Variants in RPS6KC1 observed in about 807,000 individuals in gnomAD.
RPS6KC1 encodes ribosomal protein S6 kinase C1, also known as inactive ribosomal protein S6 kinase delta-1.
A neutral mutation model predicts 103.8 loss-of-function variants in RPS6KC1; 54 were observed. That is an observed-to-expected ratio of 0.52 (90% CI 0.42 to 0.65). The LOEUF (loss-of-function observed/expected upper bound fraction) is 0.65. RPS6KC1 is among the 30% of genes least tolerant of loss of function. The pLI, the probability that RPS6KC1 is intolerant of heterozygous loss-of-function variation, is 0.00. For missense variants in RPS6KC1, 1,151 were observed against 1,253.8 expected (o/e 0.92, Z 1.24); for synonymous variants, 439 against 438.7 (o/e 1.00, Z -0.01).
chr1:213,360,008 C>G, the RPS6KC1 span, among the ~76,000 whole-genome samples: 14 of 152,170 alleles, frequency 9.2e-5, no homozygotes, highest in Non-Finnish European at 2.1e-4. Context: ...TTCATTTCAA[C>G]TTTGGTGAAT....
the RPS6KC1 span, among the ~76,000 whole-genome samples, chr1:213,535,972 T>C: frequency 1.1e-4 from 16 of 152,202 alleles, no homozygotes; most frequent in East Asian, 2.1e-3. Context: ...AAAGCTGAGG[T>C]TCTTTTGGCC....
At chr1:213,338,246 T>C in the RPS6KC1 span, among the ~76,000 whole-genome samples, 2 of 152,148 alleles carry the variant, frequency 1.3e-5, no homozygotes, top group Non-Finnish European at 2.9e-5. Flanking sequence ...TGAACTTCAC[T>C]CCCCCTTATG....
At chr1:213,672,804 A>G in the RPS6KC1 span, among the ~76,000 whole-genome samples, 1 of 152,156 alleles carries the variant, frequency 6.6e-6, no homozygotes, top group Non-Finnish European at 1.5e-5. Flanking sequence ...ACCATTCAGC[A>G]TATCCAATAC....
At chr1:213,183,129 A>G (rs1050066732) in intron 8 of RPS6KC1, among the ~76,000 whole-genome samples, 8 of 152,078 alleles carry the variant, frequency 5.3e-5, no homozygotes, top group Admixed American at 6.6e-5. Context: ...AGAAATAGCA[A>G]TCCTACAAAT....
At position 213,262,776 on chromosome 1, in the gene RPS6KC1, C is replaced by T; in HGVS notation, c.3050C>T (p.Pro1017Leu). ...GINTHTTLNM[P>L]ECVSEEARSL... ...AATACTCACACTACTTTGAACATGC[C>T]AGAATGTGTCTCTGAAGAGGCTCGC... is the stretch of plus-strand genomic sequence containing the variant. Residue 1017 changes from proline to leucine, a missense_variant, in exon 14 of 15, where the codon CCA becomes CTA. Physicochemically the swap from Pro to Leu is moderately conservative, Grantham distance 98 (BLOSUM62 -3). Coordinates refer to ENST00000366960, the MANE Select transcript of RPS6KC1 (RefSeq NM_012424.6). 1 of 1,613,134 alleles carries T rather than the reference C, an allele frequency of 6.2e-7. No homozygotes were observed. Among genetic ancestry groups the T allele is most frequent in the Non-Finnish European group, 8.5e-7 (1 of 1,179,142 alleles).
chr1:213,337,845 AAAG>A, the RPS6KC1 span, among the ~76,000 whole-genome samples: 4 of 152,166 alleles, frequency 2.6e-5, no homozygotes, highest in African/African-American at 9.7e-5. Flanking sequence ...GCTGTAGGGG[AAAG>A]AAGGAGAGAT....
chr1:213,545,273 A>C, the RPS6KC1 span, among the ~76,000 whole-genome samples: 1 of 151,944 alleles, frequency 6.6e-6, no homozygotes, highest in African/African-American at 2.4e-5. Context: ...CAGGAGGCTG[A>C]GGCAGGAGAA....
chr1:213,305,452 A>G, the RPS6KC1 span, among the ~76,000 whole-genome samples: 12 of 152,158 alleles, frequency 7.9e-5, no homozygotes, highest in African/African-American at 2.9e-4. Flanking sequence ...TATTTGCCCA[A>G]CTGGTATGTG....
the RPS6KC1 span, among the ~76,000 whole-genome samples, chr1:213,422,597 G>A: frequency 6.6e-6 from 1 of 152,200 alleles, no homozygotes; most frequent in East Asian, 1.9e-4. Context: ...CTTATTAAGT[G>A]TTTGTTGAAT....
chr1:213,562,380 T>G, the RPS6KC1 span, among the ~76,000 whole-genome samples: 2 of 81,120 alleles, frequency 2.5e-5, no homozygotes, highest in South Asian at 5.2e-4. Context: ...TTTTTTTTTT[T>G]TTTTTTTTTT....
the RPS6KC1 span, among the ~76,000 whole-genome samples, chr1:213,825,087 G>A: frequency 6.6e-6 from 1 of 152,126 alleles, no homozygotes; most frequent in Non-Finnish European, 1.5e-5. Context: ...AAGATAAATG[G>A]AACCAATTCC....
chr1:213,358,060 A>G, the RPS6KC1 span, among the ~76,000 whole-genome samples: 4 of 152,206 alleles, frequency 2.6e-5, no homozygotes, highest in Admixed American at 2.0e-4. Context: ...GGATTTTTGC[A>G]TCGATGTTCA....
At chr1:213,217,961 A>G (rs533318941) in intron 8 of RPS6KC1, among the ~76,000 whole-genome samples, 4 of 152,208 alleles carry the variant, frequency 2.6e-5, no homozygotes, top group Non-Finnish European at 4.4e-5. Flanking sequence ...GAAAACTGGC[A>G]CAAGACAGGG....
At chr1:213,260,032 C>T (rs955453883) in intron 12 of RPS6KC1, among the ~76,000 whole-genome samples, 15 of 152,162 alleles carry the variant, frequency 9.9e-5, no homozygotes, top group African/African-American at 7.2e-5. Flanking sequence ...AGCCACCTCG[C>T]CTGGCCCTAT....
At chr1:213,684,412 C>T in the RPS6KC1 span, among the ~76,000 whole-genome samples, 1 of 152,168 alleles carries the variant, frequency 6.6e-6, no homozygotes, top group Non-Finnish European at 1.5e-5. Flanking sequence ...TGTCTTCAGT[C>T]CTAGTGTTTC....
intron 8 of RPS6KC1, among the ~76,000 whole-genome samples, chr1:213,212,537 A>G (rs574859230): frequency 1.3e-5 from 2 of 152,298 alleles, no homozygotes; most frequent in Admixed American, 1.3e-4. Flanking sequence ...AAGTTTCTAT[A>G]AACATCCATG....
chr1:213,706,254 A>C, the RPS6KC1 span, among the ~76,000 whole-genome samples: 1 of 152,172 alleles, frequency 6.6e-6, no homozygotes, highest in Non-Finnish European at 1.5e-5. Context: ...TGCAGAACTT[A>C]AGTTCTGATT....
chr1:213,736,603 C>T, the RPS6KC1 span, among the ~76,000 whole-genome samples: 12 of 152,158 alleles, frequency 7.9e-5, no homozygotes, highest in Admixed American at 7.8e-4. Flanking sequence ...GTCCTACCCA[C>T]ACTTAAAGGG....
intron 6 of RPS6KC1, among the ~76,000 whole-genome samples, chr1:213,149,688 G>C (rs1201377531): frequency 6.6e-6 from 1 of 152,140 alleles, no homozygotes; most frequent in Non-Finnish European, 1.5e-5. Context: ...GATTAAGCCT[G>C]ATGTTTCTTT....
Sources: gnomAD v4.1 joint callset for allele counts (sites outside exome capture counted in the v4.1 genomes callset) on GRCh38, gnomAD v4.1.1 for gene constraint, MANE v1.5 for transcripts, NCBI Gene and HGNC (gene_info 2026-07-23, HGNC 2026-07-21) for gene names.